IL21R: variants seen among roughly 807,000 people sequenced by gnomAD.
IL21R encodes the protein interleukin-21 receptor.
IL21R carries 14 observed loss-of-function variants against 41.3 expected under a neutral mutation model. The observed-to-expected ratio is 0.34, with a 90% CI of 0.22 to 0.53. The LOEUF is 0.53. Among genes scored for constraint, IL21R ranks in the 20% least tolerant of loss-of-function variants. The probability of loss-of-function intolerance (pLI) is 0.94; values close to 1 mark genes in which losing one functional copy is unlikely to be tolerated. For missense variants in IL21R, 588 were observed against 681.6 expected (o/e 0.86, Z 1.53); for synonymous variants, 286 against 287.6 (o/e 0.99, Z 0.05).
chr16:27,429,601 G>A (rs3093393), intron 1 of IL21R, among the ~76,000 whole-genome samples: 15 of 151,468 alleles, frequency 9.9e-5, no homozygotes, highest in Non-Finnish European at 1.5e-4. Context: ...GCAAGATGCC[G>A]TCTCTACAAA....
intron 5 of IL21R, 94 bp from the exon 6 acceptor site, chr16:27,444,447 CT>C: frequency 1.2e-6 from 1 of 850,632 alleles, no homozygotes; most frequent in South Asian, 2.6e-5. Context: ...CACTCAGCCC[CT>C]TTGATGGAAG....
chr16:27,442,803 T>C, intron 4 of IL21R, 159 bp from the exon 5 acceptor site: 1 of 596,232 alleles, frequency 1.7e-6, no homozygotes, highest in East Asian at 2.9e-5. Context: ...GGGAGTACTT[T>C]GCCCAAAGTC....
chr16:27,448,622 G>A lies in IL21R; in HGVS notation c.956G>A (p.Cys319Tyr), dbSNP rs1567374474. The A allele has an allele frequency of 6.2e-7, 1 of 1,613,092 alleles. No homozygotes were observed. The highest frequency in any genetic ancestry group is 2.2e-5 in the East Asian group (1 of 44,884). The change falls in exon 9 of 9, where the codon TGC becomes TAC. Residue 319 changes from cysteine to tyrosine, a missense_variant. Cys to Tyr is a radical substitution (Grantham distance 194). Coordinates refer to ENST00000337929, the MANE Select transcript of IL21R (RefSeq NM_181078.3). ...EVPSTLEVYSCHPPRSPAKRL... is the reference protein window; with the variant it reads ...EVPSTLEVYSYHPPRSPAKRL... ...CCCTCCACCCTGGAGGTGTACAGCT[G>A]CCACCCACCACGGAGCCCGGCCAAG...
At chr16:27,404,732 G>C (rs142387418) in intron 1 of IL21R, among the ~76,000 whole-genome samples, 30 of 152,296 alleles carry the variant, frequency 2.0e-4, no homozygotes, top group African/African-American at 7.2e-4. Flanking sequence ...CTGTGGAACT[G>C]GCCAGACCTG....
intron 7 of IL21R, 42 bp downstream of exon 7, chr16:27,445,318 G>A: frequency 7.8e-7 from 1 of 1,278,786 alleles, no homozygotes; most frequent in Admixed American, 1.7e-5. Context: ...TGGTCAGCCT[G>A]GGCCACTGCC....
chr16:27,408,490 G>A (rs972371671), intron 1 of IL21R, among the ~76,000 whole-genome samples: 3 of 152,180 alleles, frequency 2.0e-5, no homozygotes, highest in Admixed American at 2.0e-4. Context: ...GGAATGACAC[G>A]GTTGGAGTAA....
chr16:27,451,642 C>T lies in IL21R; in HGVS notation c.*2359C>T, dbSNP rs1596603757. 3 of 219,264 alleles carry T rather than the reference C, an allele frequency of 1.4e-5. No individual in the cohort carries two copies. The East Asian group carries it at 2.0e-4, about 15-fold the overall frequency. 13.6% of individuals were successfully genotyped at this position (219,264 alleles called of 1,614,324 possible). On this transcript the variant is annotated 3_prime_UTR_variant, in exon 9 of 9. Transcript: ENST00000337929. Reference sequence around the variant, plus strand: ...GCTAAGGTGGGAGGATCGCTGGAGCCCAGGAATTTGAGGCTGCAGTGAGCT... The same window carrying T: ...GCTAAGGTGGGAGGATCGCTGGAGCTCAGGAATTTGAGGCTGCAGTGAGCT...
At chr16:27,402,986 G>C in intron 1 of IL21R, 2 of 396,486 alleles carry the variant, frequency 5.0e-6, no homozygotes, top group South Asian at 3.9e-5. Flanking sequence ...TGGGTGTAGA[G>C]CCTGATGGGA....
In IL21R at chr16:27,434,426, C is replaced by A; in HGVS notation, c.129C>A (p.His43Gln). Reference sequence around the variant, plus strand: ...GCATCCTGGAAATGTGGAACCTCCACCCCAGCACGCTCACCCTTACCTGGT... The same window carrying A: ...GCATCCTGGAAATGTGGAACCTCCAACCCAGCACGCTCACCCTTACCTGGT... The part of the protein sequence containing the change: ...VICILEMWNL[H>Q]PSTLTLTWQD... Residue 43 changes from histidine (H) to glutamine (Q), a missense_variant, in exon 3 of 9, where the codon CAC (histidine) becomes CAA (glutamine). Coordinates refer to ENST00000337929, the MANE Select transcript of IL21R (RefSeq NM_181078.3). 6.2e-7 allele frequency: 1 copy of A among 1,612,962 alleles called. No individual in the cohort carries two copies.
chr16:27,404,762 G>T (rs1455293407), intron 1 of IL21R, among the ~76,000 whole-genome samples: 1 of 152,230 alleles, frequency 6.6e-6, no homozygotes, highest in Non-Finnish European at 1.5e-5. Context: ...CCACCGCTTA[G>T]TACCTGTGTG....
chr16:27,436,946 T>A (rs1024810824), intron 3 of IL21R, among the ~76,000 whole-genome samples: 5 of 152,044 alleles, frequency 3.3e-5, no homozygotes, highest in Admixed American at 1.3e-4. Context: ...TGGTGGTGCA[T>A]GCATGTAGTC....
At chr16:27,424,098 G>A (rs1423500719) in intron 1 of IL21R, among the ~76,000 whole-genome samples, 1 of 151,416 alleles carries the variant, frequency 6.6e-6, no homozygotes, top group African/African-American at 2.4e-5. Flanking sequence ...TTTTTGAGAT[G>A]GAGTCTCGCT....
intron 1 of IL21R, among the ~76,000 whole-genome samples, chr16:27,412,346 T>C (rs1567356312): frequency 6.6e-6 from 1 of 152,178 alleles, no homozygotes; most frequent in African/African-American, 2.4e-5. Flanking sequence ...AGCTTTTTAA[T>C]ACATTTTGAA....
intron 4 of IL21R, 91 bp from the exon 5 acceptor site, chr16:27,442,871 G>C: frequency 8.2e-7 from 1 of 1,218,654 alleles, no homozygotes; most frequent in Non-Finnish European, 1.2e-6. Context: ...AGGCAGGGGT[G>C]GGGGCAGGCA....
rs2087561982 is a variant in IL21R, at chr16:27,449,987, G to C, written c.*704G>C. ...TTTCCTTATCCAGACAGTGGGGAAG[G>C]CATGACACACCTGGGGGAAATTGGC... On this transcript the variant is annotated 3_prime_UTR_variant, in exon 9 of 9. Transcript: ENST00000337929. 1 of 232,828 alleles carries C rather than the reference G, an allele frequency of 4.3e-6. No individual in the cohort carries two copies. Among genetic ancestry groups the C allele is most frequent in the Non-Finnish European group, 8.5e-6 (1 of 117,872 alleles). The allele number at this position is 232,828 out of a possible 1,614,324, so 14.4% of individuals were successfully genotyped here.
intron 1 of IL21R, among the ~76,000 whole-genome samples, chr16:27,426,412 A>C (rs557854724): frequency 5.2e-5 from 8 of 152,392 alleles, no homozygotes; most frequent in African/African-American, 1.9e-4. Flanking sequence ...CCTCAAACGC[A>C]ATAGGCTAGT....
In IL21R at chr16:27,403,151, C is replaced by T. The variant is rs1435024500; in HGVS notation, c.-17+533C>T. 11 of 1,150,414 alleles carry T rather than the reference C, an allele frequency of 9.6e-6. 1 individual carries two copies. The South Asian group carries it at 1.3e-4, about 13-fold the overall frequency. 71.3% of individuals were successfully genotyped at this position (1,150,414 alleles called of 1,614,324 possible). A position where few individuals can be genotyped will look rare whatever the true frequency, so the allele number is the denominator to read the frequency against. On this transcript the variant is annotated intron_variant, in intron 1 of 8. Coordinates refer to ENST00000337929, the MANE Select transcript of IL21R (RefSeq NM_181078.3). ...CTCAACTGGGACGTAGCAGGTCGGG[C>T]AGTCAAGCCAGGTGACCCCATGAGC... is the stretch of plus-strand genomic sequence containing the variant.
intron 2 of IL21R, among the ~76,000 whole-genome samples, chr16:27,433,531 G>A (rs945691130): frequency 6.6e-6 from 1 of 152,166 alleles, no homozygotes; most frequent in African/African-American, 2.4e-5. Flanking sequence ...ATTGGCACTC[G>A]AATATACAAA....
At chr16:27,443,365 C>T (rs890680824) in intron 5 of IL21R, among the ~76,000 whole-genome samples, 1 of 152,170 alleles carries the variant, frequency 6.6e-6, no homozygotes, top group Non-Finnish European at 1.5e-5. Flanking sequence ...GAGACTGTCC[C>T]TTCCCCAGAC....
Sources: allele counts gnomAD v4.1 joint callset (sites outside exome capture counted in the v4.1 genomes callset), GRCh38; gene constraint gnomAD v4.1.1; transcripts MANE v1.5; gene names NCBI Gene and HGNC (gene_info 2026-07-23, HGNC 2026-07-21).